The following OSBPL5 variants were observed in gnomAD, a reference collection of about 807,000 sequenced individuals.
OSBPL5 encodes the protein oxysterol-binding protein-related protein 5.
OSBPL5 carries 71 observed loss-of-function variants against 111.2 expected under a neutral mutation model. The ratio of observed to expected loss-of-function variants is 0.64; its 90% confidence interval spans 0.53 to 0.78. OSBPL5 has a LOEUF of 0.78. Among genes scored for constraint, OSBPL5 ranks in the 30% least tolerant of loss-of-function variants. OSBPL5 has a pLI of 0.00. For missense variants in OSBPL5, 1,210 were observed against 1,189.3 expected, an observed-to-expected ratio of 1.02 and a Z score of -0.26; for synonymous variants, 549 against 513.9, an observed-to-expected ratio of 1.07 and a Z score of -0.93.
At chr11:3,128,806 TG>T (rs569493334) in intron 2 of OSBPL5, among the ~76,000 whole-genome samples, 3 of 151,968 alleles carry the variant, frequency 2.0e-5, no homozygotes, top group African/African-American at 7.2e-5. Context: ...CTCAACCAGA[TG>T]GGCTTCACCT....
At chr11:3,111,315 T>C (rs1031062141) in intron 7 of OSBPL5, among the ~76,000 whole-genome samples, 27 of 152,182 alleles carry the variant, frequency 1.8e-4, no homozygotes, top group African/African-American at 6.5e-4. Context: ...AACTCCTTTA[T>C]GGAGTTCGAG....
At chr11:3,157,617 C>T (rs1480688326) in intron 1 of OSBPL5, among the ~76,000 whole-genome samples, 2 of 152,270 alleles carry the variant, frequency 1.3e-5, no homozygotes, top group Non-Finnish European at 2.9e-5. Flanking sequence ...CCACTTCCTG[C>T]CACCCACATC....
intron 1 of OSBPL5, among the ~76,000 whole-genome samples, chr11:3,136,271 C>T (rs1845945832): frequency 6.6e-6 from 1 of 152,240 alleles, no homozygotes; most frequent in African/African-American, 2.4e-5. Flanking sequence ...GTAATCCAGC[C>T]TCCAAAGTGC....
At position 3,114,592 on chromosome 11, in the gene OSBPL5, T is replaced by TTTC. The variant is rs1564839495; in HGVS notation, c.691+4954_691+4955insGAA. 9.8e-4 allele frequency among the ~76,000 whole-genome samples: 9 copies of TTTC among 9,196 alleles called. 1 individual carries two copies. The highest frequency in any genetic ancestry group is 9.3e-3 in the Admixed American group (9 of 968). 6.0% of individuals were successfully genotyped at this position (9,196 alleles called of 152,430 possible). A position where few individuals can be genotyped will look rare whatever the true frequency, so the allele number is the denominator to read the frequency against. The stretch of plus-strand genomic sequence containing the variant: ...ACTAAAGAATTGGTTAGAACAATGA[T>TTTC]TTTTTTTTTTTTTTTTTTTTTTTTT... On this transcript the variant is annotated intron_variant, in intron 7 of 21. Transcript: ENST00000263650.
chr11:3,104,877 C>T lies in OSBPL5; in HGVS notation c.1060-500G>A, dbSNP rs926763528. ...TGAGGTCTGATTGATATACAGAAGCCTTCAGATATTGAATGTGGACAACTG... is the reference window on the plus strand; with the variant it reads ...TGAGGTCTGATTGATATACAGAAGCTTTCAGATATTGAATGTGGACAACTG... On this transcript the variant is annotated intron_variant, in intron 9 of 21. Coordinates refer to ENST00000263650, the MANE Select transcript of OSBPL5 (RefSeq NM_020896.4). The surrounding 1 kb of genome is among the most constrained non-coding windows in gnomAD (Gnocchi z 5.0). Among the ~76,000 whole-genome samples, 4 of 152,194 alleles carry T rather than the reference C, an allele frequency of 2.6e-5. No individual in the cohort carries two copies. The highest frequency in any genetic ancestry group is 2.6e-4 in the Admixed American group (4 of 15,282).
rs772571102 is a variant in OSBPL5 at position 3,094,364 on chromosome 11, C to G, written c.1622-30G>C. The G allele has an allele frequency of 2.4e-5, 38 of 1,583,370 alleles. No homozygotes were observed. The East Asian group carries it at 8.1e-4, about 34-fold the overall frequency. On this transcript the variant is annotated intron_variant, in intron 14 of 21. Transcript: ENST00000263650. ...AATGCAGCCAGTGTCAGGGGCCAGG[C>G]GGCCCCAGCCCTGCTGAGCCCCAGG...
In OSBPL5 at chr11:3,092,787, C is replaced by T; in HGVS notation, c.2132+80G>A. 1 of 1,445,736 alleles carries T rather than the reference C, an allele frequency of 6.9e-7. No homozygotes were observed. The highest frequency in any genetic ancestry group is 9.2e-7 in the Non-Finnish European group (1 of 1,088,680). 89.6% of individuals were successfully genotyped at this position (1,445,736 alleles called of 1,614,324 possible). On this transcript the variant is annotated intron_variant, in intron 18 of 21. Coordinates refer to ENST00000263650, the MANE Select transcript of OSBPL5 (RefSeq NM_020896.4). The surrounding 1 kb of genome is among the most constrained non-coding windows in gnomAD (Gnocchi z 5.4). The stretch of plus-strand genomic sequence containing the variant: ...GACAGGCTGAAGGTGAGAGGGAAGC[C>T]AGGAGCCCCTGGGCCCTTCTCAGCC...
intron 1 of OSBPL5, among the ~76,000 whole-genome samples, chr11:3,160,669 C>A (rs531531937): frequency 1.7e-4 from 7 of 42,158 alleles, no homozygotes; most frequent in Admixed American, 1.3e-3. Flanking sequence ...TAAATGACAA[C>A]CCTCCCCCCC....
chr11:3,112,837 A>C (rs1590667988), intron 7 of OSBPL5, among the ~76,000 whole-genome samples: 1 of 152,110 alleles, frequency 6.6e-6, no homozygotes, highest in African/African-American at 2.4e-5. Flanking sequence ...CCTTATGCAA[A>C]TTTTGCTATT....
intron 1 of OSBPL5, among the ~76,000 whole-genome samples, chr11:3,144,165 C>T (rs1234649666): frequency 6.6e-6 from 1 of 152,168 alleles, no homozygotes; most frequent in Non-Finnish European, 1.5e-5. Flanking sequence ...GACAGAAACA[C>T]ACAAAAAACC....
rs575016024 is a variant in OSBPL5, at chr11:3,092,259, G to A, written c.2259+173C>T. The stretch of plus-strand genomic sequence containing the variant: ...TAGAACTGAGCATCCTGCAAATCCC[G>A]GTTTCCTGAGTCCCATGCTCGGCAG... On this transcript the variant is annotated intron_variant, in intron 19 of 21. Coordinates refer to ENST00000263650, the MANE Select transcript of OSBPL5 (RefSeq NM_020896.4). This position sits in a 1 kb window ranked among gnomAD's most constrained non-coding sequence, Gnocchi z 5.4. Among the ~76,000 whole-genome samples, 6 of 152,254 alleles carry A rather than the reference G, an allele frequency of 3.9e-5. No homozygotes were observed. The East Asian group carries it at 9.7e-4, about 25-fold the overall frequency.
chr11:3,088,920 C>T (rs757131472), intron 21 of OSBPL5, among the ~76,000 whole-genome samples: 11 of 152,110 alleles, frequency 7.2e-5, no homozygotes, highest in Admixed American at 2.0e-4. Flanking sequence ...GGAGTAGACG[C>T]GCTGTCCGAG....
Position 3,110,373 on chromosome 11 carries a change from G to T in OSBPL5, c.692-2428C>A, listed in dbSNP as rs577862144. ...GAACGGCCAAGAGGGAATCCCTCCA[G>T]GTGGAGGATCATCGCAGTCACAGCT... On this transcript the variant is annotated intron_variant, in intron 7 of 21. Coordinates refer to ENST00000263650, the MANE Select transcript of OSBPL5 (RefSeq NM_020896.4). The surrounding 1 kb of genome is among the most constrained non-coding windows in gnomAD (Gnocchi z 5.3). Among the ~76,000 whole-genome samples, 18 of 152,344 alleles carry T rather than the reference G, an allele frequency of 1.2e-4. No individual in the cohort carries two copies. In the South Asian group the frequency reaches 3.7e-3, roughly 32 times the overall value.
At chr11:3,094,465 T>C in intron 14 of OSBPL5, 131 bp from the exon 15 acceptor site, 2 of 670,494 alleles carry the variant, frequency 3.0e-6, no homozygotes, top group Non-Finnish European at 5.1e-6. Flanking sequence ...GAGGCCTGTG[T>C]CAGTCCCTGG....
intron 2 of OSBPL5, 133 bp downstream of exon 2, chr11:3,128,880 G>T: frequency 2.3e-6 from 2 of 870,504 alleles, no homozygotes; most frequent in Non-Finnish European, 3.1e-6. Flanking sequence ...CAAACCGTTT[G>T]ATCATGAAAC....
At position 3,109,891 on chromosome 11, in the gene OSBPL5, CT is replaced by C. The variant is rs1268768401; in HGVS notation, c.692-1947del. On this transcript the variant is annotated intron_variant, in intron 7 of 21. Coordinates refer to ENST00000263650, the MANE Select transcript of OSBPL5 (RefSeq NM_020896.4). This position sits in a 1 kb window ranked among gnomAD's most constrained non-coding sequence, Gnocchi z 7.4. ...TTCCTCCTCTTCCTGGAAGCCCACC[CT>C]GATACCCACAGGGGCTGCAGACACC... Among the ~76,000 whole-genome samples, 1 of 152,218 alleles carries C rather than the reference CT, an allele frequency of 6.6e-6. No homozygotes were observed. The highest frequency in any genetic ancestry group is 2.4e-5 in the African/African-American group (1 of 41,454).
At position 3,092,862 on chromosome 11, in the gene OSBPL5, C is replaced by G; in HGVS notation, c.2132+5G>C. 6.5e-7 allele frequency: 1 copy of G among 1,527,070 alleles called. No individual in the cohort carries two copies. The highest frequency in any genetic ancestry group is 8.8e-7 in the Non-Finnish European group (1 of 1,130,396). 94.6% of individuals were successfully genotyped at this position (1,527,070 alleles called of 1,614,324 possible). A position where few individuals can be genotyped will look rare whatever the true frequency, so the allele number is the denominator to read the frequency against. On this transcript the variant is annotated splice_donor_5th_base_variant and intron_variant, in intron 18 of 21. Coordinates refer to ENST00000263650, the MANE Select transcript of OSBPL5 (RefSeq NM_020896.4). This position sits in a 1 kb window ranked among gnomAD's most constrained non-coding sequence, Gnocchi z 5.4. ...TGTGGCCCCCAGGGCTTTGTCGGCA[C>G]TCACTCCTCGTATCGGTAGTGCCAC... is the stretch of plus-strand genomic sequence containing the variant.
chr11:3,127,634 G>A (rs1388943257), intron 2 of OSBPL5, among the ~76,000 whole-genome samples: 6 of 152,352 alleles, frequency 3.9e-5, no homozygotes, highest in Non-Finnish European at 8.8e-5. Flanking sequence ...GCTAGCAGGA[G>A]CGCTCTTCCC....
chr11:3,088,204 C>T lies in OSBPL5; in HGVS notation c.*1G>A, dbSNP rs1247172551. ...GGCCAGGAGCTCTGCCCTCAGGGCT[C>T]CTATTTGAGGATGTGGTTAATGAAC... On this transcript the variant is annotated 3_prime_UTR_variant, in exon 22 of 22. Coordinates refer to ENST00000263650, the MANE Select transcript of OSBPL5 (RefSeq NM_020896.4). The T allele has an allele frequency of 3.8e-6, 6 of 1,581,576 alleles. No individual in the cohort carries two copies. Among genetic ancestry groups the T allele is most frequent in the Non-Finnish European group, 5.2e-6 (6 of 1,161,710 alleles).
Sources: gnomAD v4.1 joint callset for allele counts (sites outside exome capture counted in the v4.1 genomes callset) on GRCh38, gnomAD v4.1.1 for gene constraint, Gnocchi (gnomAD v3.1) non-coding constraint, MANE v1.5 for transcripts, NCBI Gene and HGNC (gene_info 2026-07-23, HGNC 2026-07-21) for gene names.